ITGA1: variants seen among roughly 807,000 people sequenced by gnomAD.
ITGA1 encodes the protein integrin alpha-1.
Under a neutral mutation model 145.9 loss-of-function variants are expected in ITGA1, and 85 were observed. The observed-to-expected ratio is 0.58, with a 90% CI of 0.49 to 0.70. The LOEUF is 0.70. Among genes scored for constraint, ITGA1 ranks in the 30% least tolerant of loss-of-function variants. ITGA1 has a pLI of 0.00. For synonymous variants in ITGA1, 520 were observed against 495.3 expected (o/e 1.05, Z -0.66); for missense variants, 1,351 against 1,418.7 (o/e 0.95, Z 0.77).
chr5:52,816,929 G>T (rs895504452), intron 1 of ITGA1, among the ~76,000 whole-genome samples: 1 of 152,118 alleles, frequency 6.6e-6, no homozygotes, highest in Non-Finnish European at 1.5e-5. Context: ...TTTTCAAGTG[G>T]TATCACCTAG....
intron 16 of ITGA1, among the ~76,000 whole-genome samples, chr5:52,919,349 G>A (rs920210691): frequency 1.2e-4 from 18 of 152,000 alleles, no homozygotes; most frequent in South Asian, 2.1e-4. Context: ...CCACATTTCC[G>A]AGATCCTTTG....
chr5:52,815,214 C>G (rs921669324), intron 1 of ITGA1, among the ~76,000 whole-genome samples: 2 of 152,146 alleles, frequency 1.3e-5, no homozygotes, highest in African/African-American at 4.8e-5. Context: ...GGTTTTTACT[C>G]TCCTAAAGTA....
chr5:52,794,201 TTA>T (rs1278434314), intron 1 of ITGA1, among the ~76,000 whole-genome samples: 1 of 151,938 alleles, frequency 6.6e-6, no homozygotes, highest in Admixed American at 6.6e-5. Context: ...TTTGTATGAA[TTA>T]TATGAGATCT....
chr5:52,872,528 C>T (rs1749792819), intron 6 of ITGA1, among the ~76,000 whole-genome samples: 1 of 151,348 alleles, frequency 6.6e-6, no homozygotes, highest in South Asian at 2.1e-4. Context: ...CCACCTGGCC[C>T]AGCCATTTCT....
In ITGA1 at chr5:52,788,253, C is replaced by A. The variant is rs928183423; in HGVS notation, c.-101C>A. 4.4e-6 allele frequency: 4 copies of A among 916,966 alleles called. No individual in the cohort carries two copies. The highest frequency in any genetic ancestry group is 4.0e-5 in the South Asian group (2 of 50,052). 56.8% of individuals were successfully genotyped at this position (916,966 alleles called of 1,614,324 possible). A position where few individuals can be genotyped will look rare whatever the true frequency, so the allele number is the denominator to read the frequency against. ...GCCACTGGGGCAGAGGACTGGGAACCGCGGCAGCGGGATAAGTGGCCCAGC... is the reference window on the plus strand; with the variant it reads ...GCCACTGGGGCAGAGGACTGGGAACAGCGGCAGCGGGATAAGTGGCCCAGC... On this transcript the variant is annotated 5_prime_UTR_variant, in exon 1 of 29. Coordinates refer to ENST00000282588, the MANE Select transcript of ITGA1 (RefSeq NM_181501.2).
intron 1 of ITGA1, among the ~76,000 whole-genome samples, chr5:52,831,589 CAGT>C (rs1749071445): frequency 6.6e-6 from 1 of 150,552 alleles, no homozygotes; most frequent in Admixed American, 6.6e-5. Flanking sequence ...ATCACAATAA[CAGT>C]AATCACTTAT....
chr5:52,936,168 G>A lies in ITGA1; in HGVS notation c.2965-1233G>A, dbSNP rs567591440. On this transcript the variant is annotated intron_variant, in intron 23 of 28. Transcript: ENST00000282588. ...TTTTTTGTATTTTTTAGTAGAGACGGGGTTTCACCGTTTTAGCCGGGATGG... is the reference window on the plus strand; with the variant it reads ...TTTTTTGTATTTTTTAGTAGAGACGAGGTTTCACCGTTTTAGCCGGGATGG... Among the ~76,000 whole-genome samples, 53 of 23,656 alleles carry A rather than the reference G, an allele frequency of 2.2e-3. 21 individuals carry two copies. Among genetic ancestry groups the A allele is most frequent in the Non-Finnish European group, 2.6e-3 (35 of 13,504 alleles). 15.5% of individuals were successfully genotyped at this position (23,656 alleles called of 152,430 possible).
chr5:52,832,924 G>A (rs1396473233), intron 1 of ITGA1, among the ~76,000 whole-genome samples: 1 of 151,778 alleles, frequency 6.6e-6, no homozygotes, highest in Non-Finnish European at 1.5e-5. Flanking sequence ...GGGCATGATG[G>A]CTCATACCTG....
chr5:52,826,838 G>T (rs1359036617), intron 1 of ITGA1, among the ~76,000 whole-genome samples: 1 of 152,116 alleles, frequency 6.6e-6, no homozygotes, highest in African/African-American at 2.4e-5. Context: ...ACTGCTCATT[G>T]GTGATATACC....
intron 2 of ITGA1, among the ~76,000 whole-genome samples, chr5:52,852,026 A>G (rs1239850593): frequency 6.6e-6 from 1 of 152,202 alleles, no homozygotes; most frequent in Admixed American, 6.5e-5. Context: ...GGAATTCAAA[A>G]CAGGAGGAGA....
intron 1 of ITGA1, chr5:52,801,440 T>TG: frequency 6.2e-7 from 1 of 1,614,048 alleles, no homozygotes; most frequent in Non-Finnish European, 8.5e-7. Context: ...AAGTACTCCC[T>TG]GAAAGAGGCC....
chr5:52,911,062 G>A (rs1258154665), intron 14 of ITGA1, among the ~76,000 whole-genome samples: 381 of 128,088 alleles, frequency 3.0e-3, no homozygotes, highest in Middle Eastern at 0.011. Flanking sequence ...TATACATAGT[G>A]TATATAGTGT....
intron 23 of ITGA1, 84 bp from the exon 24 acceptor site, chr5:52,937,317 C>A: frequency 1.2e-6 from 1 of 849,880 alleles, no homozygotes; most frequent in African/African-American, 1.7e-5. Context: ...TTTACTTCAT[C>A]AGCTAGAAAA....
intron 24 of ITGA1, among the ~76,000 whole-genome samples, chr5:52,939,352 C>T (rs943391894): frequency 3.9e-5 from 6 of 152,052 alleles, no homozygotes; most frequent in Non-Finnish European, 8.8e-5. Flanking sequence ...ATTACAACCT[C>T]ACTAGTTTCC....
intron 14 of ITGA1, among the ~76,000 whole-genome samples, chr5:52,914,323 TCC>T (rs1750608935): frequency 6.6e-6 from 1 of 152,078 alleles, no homozygotes; most frequent in Non-Finnish European, 1.5e-5. Context: ...GTCAGATATC[TCC>T]TGAATTCTTC....
In ITGA1 at chr5:52,898,332, A is replaced by T. The variant is rs951567299; in HGVS notation, c.1258A>T (p.Thr420Ser). The T allele has an allele frequency of 5.0e-6, 8 of 1,611,252 alleles. No homozygotes were observed. The African/African-American group carries it at 1.1e-4, about 22-fold the overall frequency. The change falls in exon 11 of 29, where the codon ACC (threonine) becomes TCC (serine). Residue 420 changes from threonine (T) to serine (S), a missense_variant. Physicochemically the swap from Thr to Ser is moderately conservative, Grantham distance 58. Transcript: ENST00000282588. ...ASQIIIPRNT[T>S]FNVESTKKNE... ...TCAAATCATAATCCCTCGAAACACA[A>T]CCTTTAATGTTGAGTCTACCAAAAA...
At chr5:52,951,612 G>A (rs1197664880) in intron 28 of ITGA1, among the ~76,000 whole-genome samples, 2 of 152,058 alleles carry the variant, frequency 1.3e-5, no homozygotes, top group African/African-American at 2.4e-5. Flanking sequence ...ACGTCCTGAT[G>A]CATTTAAAGT....
At chr5:52,843,646 G>A (rs1397651021) in intron 1 of ITGA1, among the ~76,000 whole-genome samples, 1 of 152,146 alleles carries the variant, frequency 6.6e-6, no homozygotes, top group Non-Finnish European at 1.5e-5. Context: ...ATACTCCAGA[G>A]CTACAAGATG....
At chr5:52,897,901 G>T (rs1032397041) in intron 10 of ITGA1, among the ~76,000 whole-genome samples, 5 of 152,162 alleles carry the variant, frequency 3.3e-5, no homozygotes, top group African/African-American at 1.2e-4. Context: ...GACCTAGGAT[G>T]CTGGGCACCC....
Sources: allele counts gnomAD v4.1 joint callset (sites outside exome capture counted in the v4.1 genomes callset), GRCh38; gene constraint gnomAD v4.1.1; transcripts MANE v1.5; gene names NCBI Gene and HGNC (gene_info 2026-07-23, HGNC 2026-07-21).